Variants in TANC2 observed in about 807,000 individuals in gnomAD.
TANC2 encodes tetratricopeptide repeat, ankyrin repeat and coiled-coil containing 2.
Under a neutral mutation model 210.5 loss-of-function variants are expected in TANC2, and 26 were observed. The observed-to-expected ratio is 0.12, with a 90% CI of 0.09 to 0.17. The LOEUF is 0.17. TANC2 is among the 10% of genes least tolerant of loss of function. The pLI, the probability that TANC2 is intolerant of heterozygous loss-of-function variation, is 1.00. For missense variants in TANC2, 2,129 were observed against 2,608.9 expected, an observed-to-expected ratio of 0.82 and a Z score of 4.01; for synonymous variants, 931 against 967.1, an observed-to-expected ratio of 0.96 and a Z score of 0.69.
chr17:63,083,985 T>C (rs1431293899), intron 3 of TANC2, among the ~76,000 whole-genome samples: 1 of 152,220 alleles, frequency 6.6e-6, no homozygotes, highest in African/African-American at 2.4e-5. Flanking sequence ...ATTAGGATAA[T>C]GCTGACCTTA....
chr17:63,195,364 A>T (rs958025913), intron 6 of TANC2, among the ~76,000 whole-genome samples: 1 of 152,120 alleles, frequency 6.6e-6, no homozygotes, highest in Non-Finnish European at 1.5e-5. Context: ...AAATGGTATC[A>T]CCTACTTGCT....
chr17:63,033,131 C>A (rs1223177623), intron 2 of TANC2, among the ~76,000 whole-genome samples: 4 of 152,190 alleles, frequency 2.6e-5, no homozygotes, highest in Admixed American at 6.6e-5. Flanking sequence ...GGGTGCCCCA[C>A]TCTCCTGACA....
In TANC2 at chr17:63,412,641, T is replaced by C. The variant is rs908573254; in HGVS notation, c.3899-39T>C. 6.6e-6 allele frequency: 10 copies of C among 1,510,994 alleles called. No individual in the cohort carries two copies. The highest frequency in any genetic ancestry group is 3.7e-5 in the South Asian group (3 of 81,260). 93.6% of individuals were successfully genotyped at this position (1,510,994 alleles called of 1,614,324 possible). ...TTTTTCACCTTCATCCATTTTTTTT[T>C]CCTCTCCTACAACTTTTTGTTTTCT... On this transcript the variant is annotated intron_variant, in intron 23 of 27. Transcript: ENST00000689528. The surrounding 1 kb of genome is among the most constrained non-coding windows in gnomAD (Gnocchi z 4.2).
At chr17:63,385,791 A>C (rs938088664) in intron 15 of TANC2, among the ~76,000 whole-genome samples, 2 of 152,202 alleles carry the variant, frequency 1.3e-5, no homozygotes, top group Non-Finnish European at 2.9e-5. Flanking sequence ...TTAGGTAGCC[A>C]TTTTTAAATA....
Position 63,421,336 on chromosome 17 carries a change from C to T in TANC2, c.5606C>T (p.Ser1869Phe). The change falls in exon 28 of 28, where the codon TCT becomes TTT. Residue 1869 changes from serine (S) to phenylalanine (F), a missense_variant. Physicochemically the swap from Ser to Phe is radical, Grantham distance 155. Transcript: ENST00000689528. The surrounding 1 kb of genome is among the most constrained non-coding windows in gnomAD (Gnocchi z 6.9). ...AGTGTAGGCCTTCGCTTCTCTCCAT[C>T]TAGCAATAGTATCTCCTCCACCTCC... 6.2e-7 allele frequency: 1 copy of T among 1,614,066 alleles called. No homozygotes were observed. The highest frequency in any genetic ancestry group is 8.5e-7 in the Non-Finnish European group (1 of 1,179,902).
chr17:63,239,205 G>A lies in TANC2; in HGVS notation c.1033+1128G>A, dbSNP rs536784981. Among the ~76,000 whole-genome samples, 7 of 151,766 alleles carry A rather than the reference G, an allele frequency of 4.6e-5. No homozygotes were observed. The East Asian group carries it at 1.4e-3, about 29-fold the overall frequency. On this transcript the variant is annotated intron_variant, in intron 8 of 27. Transcript: ENST00000689528. ...GAGGGTTAAGTGGTTGAAATACGGAGTCATCATTCCTTAGCACCTACTCTC... is the reference window on the plus strand; with the variant it reads ...GAGGGTTAAGTGGTTGAAATACGGAATCATCATTCCTTAGCACCTACTCTC...
At chr17:63,064,903 C>G (rs2036141376) in intron 2 of TANC2, among the ~76,000 whole-genome samples, 1 of 151,004 alleles carries the variant, frequency 6.6e-6, no homozygotes, top group South Asian at 2.1e-4. Flanking sequence ...TATTTAATAT[C>G]TGTACTCTCA....
rs537053318 is a variant in TANC2, at chr17:63,304,600, TTGAC to T, written c.1160-9785_1160-9782del. On this transcript the variant is annotated intron_variant, in intron 9 of 27. Transcript: ENST00000689528. ...AGGACCTGTTTATTAACAAAGCACT[TTGAC>T]TGTCCCTTGGTGGACGGGGGTGCTT... Among the ~76,000 whole-genome samples, 284 of 152,274 alleles carry T rather than the reference TTGAC, an allele frequency of 1.9e-3. 1 individual carries two copies. The highest frequency in any genetic ancestry group is 6.6e-3 in the African/African-American group (273 of 41,558).
chr17:63,392,398 C>A (rs374055569), intron 17 of TANC2, among the ~76,000 whole-genome samples: 1 of 152,174 alleles, frequency 6.6e-6, no homozygotes, highest in East Asian at 1.9e-4. Context: ...AATGTAGCCT[C>A]CGTTTTTCTC....
Position 63,118,716 on chromosome 17 carries a change from C to T in TANC2, c.322+19359C>T, listed in dbSNP as rs549251277. On this transcript the variant is annotated intron_variant, in intron 4 of 27. Transcript: ENST00000689528. ...CCTCGACCTCCCAGGCTCAAGCCAT[C>T]CTCCTCCCTCACCCTATTGAGTAGC... Among the ~76,000 whole-genome samples, 23 of 152,144 alleles carry T rather than the reference C, an allele frequency of 1.5e-4. No homozygotes were observed. The South Asian group carries it at 4.4e-3, about 29-fold the overall frequency.
At chr17:63,070,476 C>T (rs1025426706) in intron 2 of TANC2, among the ~76,000 whole-genome samples, 4 of 152,120 alleles carry the variant, frequency 2.6e-5, no homozygotes, top group Admixed American at 6.6e-5. Flanking sequence ...TTTGCAGAGC[C>T]GCCTTCTCAT....
At position 63,306,800 on chromosome 17, in the gene TANC2, T is replaced by A. The variant is rs182226359; in HGVS notation, c.1160-7588T>A. The stretch of plus-strand genomic sequence containing the variant: ...GACCCCATTTCTACACAAAGTTTTT[T>A]AAAAATAGTCACGTATGGTGGGACA... On this transcript the variant is annotated intron_variant, in intron 9 of 27. Transcript: ENST00000689528. 1.6e-3 allele frequency among the ~76,000 whole-genome samples: 236 copies of A among 152,152 alleles called. 1 individual carries two copies. The highest frequency in any genetic ancestry group is 5.5e-3 in the African/African-American group (227 of 41,512).
chr17:63,365,092 A>G (rs1236250837), intron 14 of TANC2, among the ~76,000 whole-genome samples: 1 of 152,194 alleles, frequency 6.6e-6, no homozygotes, highest in East Asian at 1.9e-4. Flanking sequence ...GAACCCCACA[A>G]GTTTTCCTAG....
intron 2 of TANC2, among the ~76,000 whole-genome samples, chr17:63,062,137 C>A (rs991191454): frequency 6.6e-6 from 1 of 151,828 alleles, no homozygotes; most frequent in African/African-American, 2.4e-5. Context: ...GCTTTTTATT[C>A]TCTTTCTTTC....
At chr17:63,189,891 T>C (rs945184321) in intron 5 of TANC2, among the ~76,000 whole-genome samples, 9 of 152,252 alleles carry the variant, frequency 5.9e-5, no homozygotes, top group African/African-American at 2.2e-4. Context: ...TTTTAGCTTA[T>C]ACATTTAGGT....
chr17:63,330,434 G>T (rs2045799389), intron 11 of TANC2, among the ~76,000 whole-genome samples: 1 of 151,662 alleles, frequency 6.6e-6, no homozygotes, highest in Non-Finnish European at 1.5e-5. Context: ...TATTTTCTGA[G>T]ACTTTATTTT....
intron 7 of TANC2, among the ~76,000 whole-genome samples, chr17:63,219,897 A>G (rs1201001682): frequency 6.6e-6 from 1 of 152,188 alleles, no homozygotes; most frequent in African/African-American, 2.4e-5. Context: ...GAAAAAGAAC[A>G]AAGTTGGAGG....
In TANC2 at chr17:63,420,817, T is replaced by A. The variant is rs369696442; in HGVS notation, c.5087T>A (p.Ile1696Asn). Reference sequence around the variant, plus strand: ...AGGCTACAGCCTGCCAAGGCCCAGATTGTGAGAAGTAACCAGCCCAGCCCA... The same window carrying A: ...AGGCTACAGCCTGCCAAGGCCCAGAATGTGAGAAGTAACCAGCCCAGCCCA... Residue 1696 changes from isoleucine (I) to asparagine (N), a missense_variant, in exon 28 of 28, where the codon ATT (isoleucine) becomes AAT (asparagine). By Grantham distance (149) the Ile-to-Asn change is moderately radical. This residue lies in a region of TANC2 where 584 missense variants were observed against 627.3 expected (regional missense o/e 0.93). Coordinates refer to ENST00000689528, the Ensembl canonical transcript of TANC2. The surrounding 1 kb of genome is among the most constrained non-coding windows in gnomAD (Gnocchi z 4.2). 7.4e-6 allele frequency: 12 copies of A among 1,613,830 alleles called. No homozygotes were observed. Among genetic ancestry groups the A allele is most frequent in the Admixed American group, 3.3e-5 (2 of 60,002 alleles).
chr17:63,223,346 CA>C (rs2042245394), intron 7 of TANC2, among the ~76,000 whole-genome samples: 1 of 152,088 alleles, frequency 6.6e-6, no homozygotes, highest in Non-Finnish European at 1.5e-5. Flanking sequence ...TTTATTAGAG[CA>C]ATAGTATATA....
Sources: allele counts gnomAD v4.1 joint callset (sites outside exome capture counted in the v4.1 genomes callset), GRCh38; gene constraint gnomAD v4.1.1; regional missense constraint gnomAD v4.1.1; non-coding constraint Gnocchi (gnomAD v3.1); transcripts MANE v1.5; gene names NCBI Gene and HGNC (gene_info 2026-07-23, HGNC 2026-07-21).